Variants in SNAP91 observed in about 807,000 individuals in gnomAD.
SNAP91 encodes the protein synaptosome associated protein 91.
A neutral mutation model predicts 100.3 loss-of-function variants in SNAP91; 27 were observed. The observed-to-expected ratio is 0.27, with a 90% CI of 0.20 to 0.37. SNAP91 has a LOEUF of 0.37. SNAP91 is among the 10% of genes least tolerant of loss of function. SNAP91 has a pLI of 1.00. For synonymous variants in SNAP91, 404 were observed against 398.6 expected, an observed-to-expected ratio of 1.01 and a Z score of -0.16; for missense variants, 986 against 1,123.7, an observed-to-expected ratio of 0.88 and a Z score of 1.75.
rs1455225435 is a variant in SNAP91, at chr6:83,640,563, C to G, written c.765+533G>C. Among the ~76,000 whole-genome samples the G allele has an allele frequency of 2.0e-5, 3 of 152,098 alleles. No individual in the cohort carries two copies. In the South Asian group the frequency reaches 6.2e-4, roughly 32 times the overall value. ...CAGGAACACCAACTGCATAGTTACA[C>G]AGGTATTCTAATCAAGTATAAAGAC... On this transcript the variant is annotated intron_variant, in intron 8 of 29. Coordinates refer to ENST00000369694, the MANE Select transcript of SNAP91 (RefSeq NM_001242792.2).
intron 2 of SNAP91, among the ~76,000 whole-genome samples, chr6:83,706,380 C>A (rs1269455798): frequency 3.3e-5 from 5 of 152,242 alleles, no homozygotes; most frequent in Admixed American, 3.3e-4. Context: ...TTTACAATTT[C>A]TACTTCTCTT....
chr6:83,666,049 A>G (rs1371187116), intron 2 of SNAP91, among the ~76,000 whole-genome samples: 1 of 152,130 alleles, frequency 6.6e-6, no homozygotes, highest in Non-Finnish European at 1.5e-5. Context: ...GAAAGGTGCT[A>G]GTAAATACAC....
intron 7 of SNAP91, among the ~76,000 whole-genome samples, chr6:83,655,710 T>C (rs768850928): frequency 3.3e-5 from 5 of 152,210 alleles, no homozygotes; most frequent in Admixed American, 6.5e-5. Flanking sequence ...AGTGCAATCA[T>C]ACTCCATTAT....
intron 9 of SNAP91, among the ~76,000 whole-genome samples, chr6:83,619,498 G>A (rs1292237374): frequency 2.6e-5 from 4 of 152,118 alleles, no homozygotes; most frequent in East Asian, 1.9e-4. Context: ...AAAATATAAT[G>A]AGCAGGCTCT....
chr6:83,609,566 T>G (rs571823536), intron 12 of SNAP91, among the ~76,000 whole-genome samples: 1 of 152,284 alleles, frequency 6.6e-6, no homozygotes, highest in East Asian at 1.9e-4. Context: ...AGCAATTATA[T>G]AATGGAAATT....
At chr6:83,573,042 A>G (rs2023238) in intron 26 of SNAP91, among the ~76,000 whole-genome samples, 107,201 of 152,056 alleles carry the variant, frequency 0.71, 38,191 homozygotes, top group African/African-American at 0.8. Context: ...TTTTCTAAGA[A>G]AGTAGTGGGA....
intron 1 of SNAP91, 56 bp from the exon 2 acceptor site, chr6:83,708,013 G>A: frequency 2.1e-6 from 3 of 1,426,570 alleles, no homozygotes; most frequent in Non-Finnish European, 2.7e-6. Context: ...TACCCTCCAA[G>A]CACCCAGGCC....
intron 8 of SNAP91, among the ~76,000 whole-genome samples, chr6:83,628,892 T>C (rs2097090547): frequency 1.3e-5 from 2 of 152,142 alleles, no homozygotes; most frequent in South Asian, 2.1e-4. Context: ...TTTATCTTTG[T>C]TTTTATTGCG....
chr6:83,660,179 C>T (rs551274567), intron 5 of SNAP91, among the ~76,000 whole-genome samples: 12 of 152,152 alleles, frequency 7.9e-5, no homozygotes, highest in Admixed American at 5.2e-4. Context: ...CTAGGAAGGC[C>T]ATGGACCTAC....
chr6:83,572,977 T>C (rs1377506258), intron 26 of SNAP91, among the ~76,000 whole-genome samples: 1 of 152,224 alleles, frequency 6.6e-6, no homozygotes, highest in East Asian at 1.9e-4. Context: ...AAATGTTTCA[T>C]ACCTAAGAAT....
chr6:83,669,379 AG>A (rs2098743283), intron 2 of SNAP91, among the ~76,000 whole-genome samples: 1 of 151,836 alleles, frequency 6.6e-6, no homozygotes, highest in African/African-American at 2.4e-5. Context: ...AAAAATTGTG[AG>A]ATCTAAATGC....
intron 2 of SNAP91, among the ~76,000 whole-genome samples, chr6:83,705,355 C>T (rs183607618): frequency 0.011 from 1,608 of 152,138 alleles, 28 homozygotes; most frequent in African/African-American, 0.037. Context: ...AATATGTACG[C>T]GGATTTTGAT....
intron 2 of SNAP91, among the ~76,000 whole-genome samples, chr6:83,706,322 A>G (rs545866569): frequency 6.6e-6 from 1 of 152,354 alleles, no homozygotes; most frequent in South Asian, 2.1e-4. Context: ...CTGATGGGAA[A>G]ATGGCTAAAT....
At chr6:83,587,503 TTTA>T (rs1230969143) in intron 22 of SNAP91, among the ~76,000 whole-genome samples, 1 of 152,156 alleles carries the variant, frequency 6.6e-6, no homozygotes, top group Non-Finnish European at 1.5e-5. Flanking sequence ...TTTATTTTTT[TTTA>T]AAAATCTTCT....
At position 83,605,741 on chromosome 6, in the gene SNAP91, G is replaced by A. The variant is rs528168477; in HGVS notation, c.1085C>T (p.Ala362Val). Residue 362 changes from alanine (A) to valine (V), a missense_variant, in exon 14 of 30, where the codon GCA (alanine) becomes GTA (valine). By Grantham distance (64) the Ala-to-Val change is moderately conservative. Around this residue, in one of 4 missense-constraint regions of SNAP91, gnomAD observed 330 missense variants for 447.5 expected, o/e 0.74. Transcript: ENST00000369694. The part of the protein sequence containing the change: ...LQPDFSSGGA[A>V]AAAAPAPPPP... ...TGGTGGTGCTGGTGCTGCGGCTGCT[G>A]CTGCCCCTCCAGAGGAAAAGTCTGG... 1.9e-5 allele frequency: 29 copies of A among 1,553,272 alleles called. No homozygotes were observed. The African/African-American group carries it at 1.9e-4, about 10-fold the overall frequency.
intron 28 of SNAP91, among the ~76,000 whole-genome samples, chr6:83,559,469 G>T (rs549134239): frequency 3.2e-3 from 494 of 152,228 alleles, no homozygotes; most frequent in Non-Finnish European, 5.5e-3. Flanking sequence ...CCTATAACTG[G>T]ATCTAATTTG....
chr6:83,702,381 G>A (rs1404061666), intron 2 of SNAP91, among the ~76,000 whole-genome samples: 1 of 152,048 alleles, frequency 6.6e-6, no homozygotes, highest in African/African-American at 2.4e-5. Context: ...GAAGGGAGGA[G>A]GTAAGGTATT....
chr6:83,629,573 C>T (rs921290550), intron 8 of SNAP91, among the ~76,000 whole-genome samples: 1 of 151,966 alleles, frequency 6.6e-6, no homozygotes, highest in African/African-American at 2.4e-5. Context: ...TCTTTCACCT[C>T]CTCGGTTCGG....
intron 11 of SNAP91, among the ~76,000 whole-genome samples, chr6:83,612,764 G>A (rs1353128049): frequency 2.6e-5 from 4 of 151,630 alleles, no homozygotes; most frequent in Non-Finnish European, 4.4e-5. Context: ...GGTGGCACGC[G>A]CCTGTAATCC....
Sources: allele counts gnomAD v4.1 joint callset (sites outside exome capture counted in the v4.1 genomes callset), GRCh38; gene constraint gnomAD v4.1.1; regional missense constraint gnomAD v4.1.1; transcripts MANE v1.5; gene names NCBI Gene and HGNC (gene_info 2026-07-23, HGNC 2026-07-21).